RYK: variants seen among roughly 807,000 people sequenced by gnomAD.
RYK encodes receptor like tyrosine kinase, also known as inactive tyrosine-protein kinase RYK.
RYK carries 21 observed loss-of-function variants against 70.2 expected under a neutral mutation model. The ratio of observed to expected loss-of-function variants is 0.30; its 90% CI spans 0.21 to 0.43. RYK has a LOEUF of 0.43. Ranked by LOEUF, RYK falls within the 20% of genes least tolerant of loss-of-function variation. The pLI is 1.00. For synonymous variants in RYK, 267 were observed against 278.0 expected, an observed-to-expected ratio of 0.96 and a Z score of 0.39; for missense variants, 604 against 753.3, an observed-to-expected ratio of 0.80 and a Z score of 2.32.
At chr3:134,242,096 G>A (rs1379868898) in intron 1 of RYK, among the ~76,000 whole-genome samples, 3 of 152,116 alleles carry the variant, frequency 2.0e-5, no homozygotes, top group African/African-American at 7.2e-5. Context: ...CCTGAGGTCA[G>A]GAGTTCAAGA....
chr3:134,186,152 CTT>C (rs371576858), intron 9 of RYK, among the ~76,000 whole-genome samples: 2 of 152,090 alleles, frequency 1.3e-5, no homozygotes, highest in South Asian at 2.1e-4. Flanking sequence ...AAAATAAGAA[CTT>C]AATACCAGTA....
At chr3:134,172,098 T>C (rs2012932959) in intron 13 of RYK, among the ~76,000 whole-genome samples, 1 of 152,166 alleles carries the variant, frequency 6.6e-6, no homozygotes, top group African/African-American at 2.4e-5. Context: ...AACAGCCATA[T>C]CATTTCAGCA....
At chr3:134,235,213 A>G (rs2015169640) in intron 1 of RYK, among the ~76,000 whole-genome samples, 1 of 152,148 alleles carries the variant, frequency 6.6e-6, no homozygotes, top group Admixed American at 6.5e-5. Context: ...ACCATCACAA[A>G]TGGTTTCAAC....
In RYK at chr3:134,250,788, A is replaced by G. The variant is rs1241155894; in HGVS notation, c.-134T>C. 8 of 242,770 alleles carry G rather than the reference A, an allele frequency of 3.3e-5. No individual in the cohort carries two copies. The highest frequency in any genetic ancestry group is 1.9e-4 in the African/African-American group (8 of 41,872). The allele number at this position is 242,770 out of a possible 1,614,324, so 15.0% of individuals were successfully genotyped here. A position where few individuals can be genotyped will look rare whatever the true frequency, so the allele number is the denominator to read the frequency against. On this transcript the variant is annotated 5_prime_UTR_variant, in exon 1 of 15. Coordinates refer to ENST00000623711, the MANE Select transcript of RYK (RefSeq NM_002958.4). ...ATCGCACCGCCGGCCCGTGGCAGCCAGCAGTGGCTTCAGACCTCCGGAGCG... is the reference window on the plus strand; with the variant it reads ...ATCGCACCGCCGGCCCGTGGCAGCCGGCAGTGGCTTCAGACCTCCGGAGCG...
chr3:134,215,281 G>T (rs1171215861), intron 2 of RYK, among the ~76,000 whole-genome samples: 2 of 152,324 alleles, frequency 1.3e-5, no homozygotes, highest in South Asian at 2.1e-4. Context: ...AGGTGAAAAG[G>T]AGGAGAGAAG....
intron 1 of RYK, among the ~76,000 whole-genome samples, chr3:134,246,172 T>C (rs922685433): frequency 4.4e-4 from 67 of 151,050 alleles, no homozygotes; most frequent in Admixed American, 1.1e-3. Flanking sequence ...ATCATTAAAA[T>C]TGAGAACCAT....
intron 1 of RYK, among the ~76,000 whole-genome samples, chr3:134,246,662 T>C (rs1056798204): frequency 2.6e-5 from 4 of 152,182 alleles, no homozygotes; most frequent in Non-Finnish European, 5.9e-5. Context: ...CTTAATATTT[T>C]AAATTCAGCC....
chr3:134,191,859 T>C lies in RYK; in HGVS notation c.1005A>G (p.Val335=). The C allele has an allele frequency of 6.2e-7, 1 of 1,608,320 alleles. No individual in the cohort carries two copies. The highest frequency in any genetic ancestry group is 8.5e-7 in the Non-Finnish European group (1 of 1,177,574). ...TGAGATAATAAATACCTTCTTGGAG[T>C]ACATCTTTTAGAGTTATCCTCTCTC... is the stretch of plus-strand genomic sequence containing the variant. ...ISRERITLKD[V]LQEGTFGRIF... The change falls in exon 8 of 15, where the codon GTA becomes GTG. Residue 335 remains valine (V), a synonymous_variant. Transcript: ENST00000623711.
intron 13 of RYK, 134 bp downstream of exon 13, chr3:134,175,475 C>G: frequency 9.8e-7 from 1 of 1,025,456 alleles, no homozygotes; most frequent in Non-Finnish European, 1.4e-6. Context: ...GCTAATTACA[C>G]TTGCTTTCTG....
chr3:134,157,892 G>A lies in RYK; in HGVS notation c.*261C>T, dbSNP rs1054396737. 8 of 317,552 alleles carry A rather than the reference G, an allele frequency of 2.5e-5. No homozygotes were observed. Among genetic ancestry groups the A allele is most frequent in the African/African-American group, 1.5e-4 (7 of 46,794 alleles). The allele number at this position is 317,552 out of a possible 1,614,324, so 19.7% of individuals were successfully genotyped here. ...TGTAAGAATGTACCCCTAGTCCAAA[G>A]TAAGTATGTTTTAAAAAATTTTGGC... On this transcript the variant is annotated 3_prime_UTR_variant, in exon 15 of 15. Transcript: ENST00000623711.
intron 4 of RYK, among the ~76,000 whole-genome samples, chr3:134,209,327 C>G (rs747989872): frequency 6.6e-6 from 1 of 152,208 alleles, no homozygotes; most frequent in African/African-American, 2.4e-5. Flanking sequence ...GTCTATCTCA[C>G]CCGAGAGCAA....
At position 134,199,856 on chromosome 3, in the gene RYK, A is replaced by G. The variant is rs144975563; in HGVS notation, c.788+2874T>C. On this transcript the variant is annotated intron_variant, in intron 6 of 14. Coordinates refer to ENST00000623711, the MANE Select transcript of RYK (RefSeq NM_002958.4). ...CTAGCTAAAGGATTGTAAATGCACC[A>G]AACGGCACTCTGTGTCTAGCTAAAG... Among the ~76,000 whole-genome samples the G allele has an allele frequency of 4.9e-3, 743 of 152,124 alleles. 2 individuals are homozygous for G. Among genetic ancestry groups the G allele is most frequent in the African/African-American group, 0.017 (712 of 41,470 alleles).
At position 134,190,567 on chromosome 3, in the gene RYK, AT is replaced by A. The variant is rs2013615432; in HGVS notation, c.1015+1281del. 2.0e-5 allele frequency among the ~76,000 whole-genome samples: 3 copies of A among 152,160 alleles called. No individual in the cohort carries two copies. In the South Asian group the frequency reaches 6.2e-4, roughly 32 times the overall value. ...TCACAAACTAACGTAAAAAAAAAAA[AT>A]CGCATGTAACTATTGTTTTCTTTGC... On this transcript the variant is annotated intron_variant, in intron 8 of 14. Transcript: ENST00000623711.
chr3:134,190,988 T>C (rs2013625064), intron 8 of RYK, among the ~76,000 whole-genome samples: 1 of 152,222 alleles, frequency 6.6e-6, no homozygotes, highest in Non-Finnish European at 1.5e-5. Context: ...CTTCCATTAA[T>C]TACCATTTGC....
At chr3:134,196,417 A>G (rs1286685282) in intron 6 of RYK, among the ~76,000 whole-genome samples, 1 of 152,102 alleles carries the variant, frequency 6.6e-6, no homozygotes, top group Non-Finnish European at 1.5e-5. Context: ...CCACATAATA[A>G]TTCTGTATTT....
At chr3:134,198,152 CTTA>C (rs1305426413) in intron 6 of RYK, among the ~76,000 whole-genome samples, 1 of 152,186 alleles carries the variant, frequency 6.6e-6, no homozygotes, top group Non-Finnish European at 1.5e-5. Context: ...TTTGCTAGCA[CTTA>C]ATAGTTTATA....
At chr3:134,163,508 A>T (rs1347665811) in intron 13 of RYK, among the ~76,000 whole-genome samples, 1 of 152,198 alleles carries the variant, frequency 6.6e-6, no homozygotes, top group Non-Finnish European at 1.5e-5. Flanking sequence ...TCCCCAGAAC[A>T]TGTTATTTTA....
intron 10 of RYK, chr3:134,180,404 C>G (rs897760191): frequency 6.6e-6 from 1 of 152,078 alleles, no homozygotes; most frequent in Non-Finnish European, 1.5e-5. Context: ...GCGTACAATC[C>G]GTAACCATGG....
chr3:134,243,530 T>C (rs2015376522), intron 1 of RYK, among the ~76,000 whole-genome samples: 1 of 152,212 alleles, frequency 6.6e-6, no homozygotes, highest in African/African-American at 2.4e-5. Context: ...ATTCCTACTC[T>C]AACCTCAGCC....
Sources: gnomAD v4.1 joint callset for allele counts (sites outside exome capture counted in the v4.1 genomes callset) on GRCh38, gnomAD v4.1.1 for gene constraint, MANE v1.5 for transcripts, NCBI Gene and HGNC (gene_info 2026-07-23, HGNC 2026-07-21) for gene names.